The following RCAN3 variants were observed in gnomAD, a reference collection of about 807,000 sequenced individuals.
RCAN3 encodes calcipressin-3.
A neutral mutation model predicts 21.9 loss-of-function variants in RCAN3; 19 were observed. The observed-to-expected ratio is 0.87, with a 90% confidence interval of 0.61 to 1.27. The LOEUF is 1.27. RCAN3 is among the 50% of genes most tolerant of loss of function. The pLI, the probability that RCAN3 is intolerant of heterozygous loss-of-function variation, is 0.00. For missense variants in RCAN3, 240 were observed against 300.1 expected (o/e 0.80, Z 1.48); for synonymous variants, 114 against 112.3 (o/e 1.01, Z -0.09).
intron 3 of RCAN3, among the ~76,000 whole-genome samples, chr1:24,531,859 A>G (rs987134902): frequency 9.2e-5 from 14 of 152,222 alleles, no homozygotes; most frequent in Non-Finnish European, 1.6e-4. Context: ...GAAATTGCAG[A>G]GGACCCTGTA....
In RCAN3 at chr1:24,509,076, A is replaced by C. The variant is rs148667338; in HGVS notation, c.-59-5238A>C. 1.9e-3 allele frequency among the ~76,000 whole-genome samples: 290 copies of C among 152,256 alleles called. 1 individual carries two copies. The highest frequency in any genetic ancestry group is 6.7e-3 in the African/African-American group (277 of 41,546). On this transcript the variant is annotated intron_variant, in intron 1 of 4. Transcript: ENST00000374395. ...CTTGGGAGGCTGAGGTGGGGGGATC[A>C]CCTGAGCATGGGAAGGTCAAGGCTA...
intron 1 of RCAN3, among the ~76,000 whole-genome samples, chr1:24,503,698 C>T (rs1443860935): frequency 6.6e-6 from 1 of 152,236 alleles, no homozygotes; most frequent in Non-Finnish European, 1.5e-5. Flanking sequence ...AAAATCTGAT[C>T]ATCTCCTTTA....
At position 24,540,659 on chromosome 1, in the gene RCAN3, C is replaced by A. The variant is rs554616823; in HGVS notation, c.*5382C>A. On this transcript the variant is annotated 3_prime_UTR_variant, in exon 5 of 5. Coordinates refer to ENST00000374395, the MANE Select transcript of RCAN3 (RefSeq NM_013441.4). ...TCAAGTTTCAGAAAACTTTCCCAAT[C>A]ATTTCACTTCAATCTTAATTGAACC... The A allele has an allele frequency of 6.6e-6, 1 of 152,298 alleles. No individual in the cohort carries two copies. Among genetic ancestry groups the A allele is most frequent in the East Asian group, 1.9e-4 (1 of 5,192 alleles). The allele number at this position is 152,298 out of a possible 1,614,324, so 9.4% of individuals were successfully genotyped here.
chr1:24,515,657 C>T (rs1648258574), intron 2 of RCAN3, among the ~76,000 whole-genome samples: 1 of 152,120 alleles, frequency 6.6e-6, no homozygotes. Context: ...TGGAGCAGAA[C>T]TTCAATACCG....
intron 2 of RCAN3, among the ~76,000 whole-genome samples, chr1:24,520,258 G>T (rs1379342785): frequency 6.6e-6 from 1 of 152,158 alleles, no homozygotes; most frequent in Non-Finnish European, 1.5e-5. Context: ...TTCTGGCCAA[G>T]AATTAGTAAT....
chr1:24,509,028 G>T (rs1570444786), intron 1 of RCAN3, among the ~76,000 whole-genome samples: 1 of 152,218 alleles, frequency 6.6e-6, no homozygotes, highest in East Asian at 1.9e-4. Flanking sequence ...GGACATGGTG[G>T]TGTGTGCTTG....
chr1:24,531,108 TATA>T (rs1473316175), intron 2 of RCAN3, 107 bp from the exon 3 acceptor site: 2 of 756,786 alleles, frequency 2.6e-6, no homozygotes, highest in South Asian at 5.2e-5. Flanking sequence ...AAGGTTAACT[TATA>T]ATGAGTTCTT....
At chr1:24,509,005 A>G (rs1239297525) in intron 1 of RCAN3, among the ~76,000 whole-genome samples, 2 of 152,146 alleles carry the variant, frequency 1.3e-5, no homozygotes, top group African/African-American at 4.8e-5. Flanking sequence ...TACAAAGAAT[A>G]CAAAAATTAA....
chr1:24,533,250 A>T lies in RCAN3; in HGVS notation c.537A>T (p.Gly179=). The part of the protein sequence containing the change: ...YDLLCAVSKL[G]PGEKYELHAG... ...TACTCTGTGCTGTTTCCAAATTGGG[A>T]CCAGGTAATAAACTTCTATTTTTCC... Residue 179 remains glycine (G), a synonymous_variant, in exon 4 of 5, where the codon GGA becomes GGT. Transcript: ENST00000374395. 2 of 1,543,986 alleles carry T rather than the reference A, an allele frequency of 1.3e-6. No homozygotes were observed. The highest frequency in any genetic ancestry group is 1.4e-5 in the African/African-American group (1 of 71,932).
chr1:24,532,924 G>A (rs1049680117), intron 3 of RCAN3, among the ~76,000 whole-genome samples, 159 bp from the exon 4 acceptor site: 3 of 139,994 alleles, frequency 2.1e-5, no homozygotes, highest in African/African-American at 5.5e-5. Context: ...ACTCCAGCCT[G>A]GGCGACAAAG....
chr1:24,534,215 G>C (rs1280308300), intron 4 of RCAN3, among the ~76,000 whole-genome samples: 2 of 152,178 alleles, frequency 1.3e-5, no homozygotes, highest in Admixed American at 6.5e-5. Flanking sequence ...AGACGTTAGA[G>C]CTGTGTCTTA....
At chr1:24,513,161 C>G (rs939823952) in intron 1 of RCAN3, among the ~76,000 whole-genome samples, 2 of 152,048 alleles carry the variant, frequency 1.3e-5, no homozygotes, top group African/African-American at 4.8e-5. Context: ...GGTGTGAACC[C>G]GGGAGGCGGA....
chr1:24,530,394 A>ACAG (rs943059206), intron 2 of RCAN3, among the ~76,000 whole-genome samples: 1 of 151,052 alleles, frequency 6.6e-6, no homozygotes, highest in African/African-American at 2.4e-5. Flanking sequence ...GTCACACACA[A>ACAG]CAGCAAGGGA....
At chr1:24,510,503 C>T (rs1391851166) in intron 1 of RCAN3, among the ~76,000 whole-genome samples, 2 of 152,212 alleles carry the variant, frequency 1.3e-5, no homozygotes, top group Non-Finnish European at 2.9e-5. Flanking sequence ...CATAAACCAA[C>T]CTCCACTAGC....
chr1:24,532,673 G>A (rs1228691649), intron 3 of RCAN3, among the ~76,000 whole-genome samples: 1 of 150,248 alleles, frequency 6.7e-6, no homozygotes, highest in Non-Finnish European at 1.5e-5. Flanking sequence ...AATAGGCCAG[G>A]CACGGTGGCT....
Position 24,533,252 on chromosome 1 carries a change from C to A in RCAN3, c.539C>A (p.Pro180Gln). Residue 180 changes from proline (P) to glutamine (Q), a missense_variant and splice_region_variant, in exon 4 of 5, where the codon CCA (proline) becomes CAA (glutamine). Physicochemically the swap from Pro to Gln is moderately conservative, Grantham distance 76. Transcript: ENST00000374395. ...DLLCAVSKLG[P>Q]GEKYELHAGT... is the part of the protein sequence containing the mutation. ...CTCTGTGCTGTTTCCAAATTGGGACCAGGTAATAAACTTCTATTTTTCCTA... is the reference window on the plus strand; with the variant it reads ...CTCTGTGCTGTTTCCAAATTGGGACAAGGTAATAAACTTCTATTTTTCCTA... 1.3e-6 allele frequency: 2 copies of A among 1,541,386 alleles called. No homozygotes were observed. The highest frequency in any genetic ancestry group is 2.4e-5 in the East Asian group (1 of 41,918).
intron 2 of RCAN3, among the ~76,000 whole-genome samples, chr1:24,520,645 A>C (rs975244092): frequency 1.4e-5 from 2 of 141,900 alleles, no homozygotes; most frequent in African/African-American, 5.2e-5. Context: ...GAACACAATG[A>C]CACAGGAAGG....
At chr1:24,530,350 T>A in intron 2 of RCAN3, among the ~76,000 whole-genome samples, 1 of 70,652 alleles carries the variant, frequency 1.4e-5, no homozygotes, top group Non-Finnish European at 2.5e-5. Flanking sequence ...GTGAGACTCT[T>A]ATCTCCAAAA....
At chr1:24,533,287 C>T in intron 4 of RCAN3, 33 bp downstream of exon 4, 2 of 1,476,434 alleles carry the variant, frequency 1.4e-6, no homozygotes, top group Non-Finnish European at 1.8e-6. Flanking sequence ...ATTTTCTTCC[C>T]CAAGAAACTT....
Sources: gnomAD v4.1 joint callset for allele counts (sites outside exome capture counted in the v4.1 genomes callset) on GRCh38, gnomAD v4.1.1 for gene constraint, MANE v1.5 for transcripts, NCBI Gene and HGNC (gene_info 2026-07-23, HGNC 2026-07-21) for gene names.